AGXT2: variants seen among roughly 807,000 people sequenced by gnomAD.
AGXT2 encodes alanine--glyoxylate aminotransferase 2, mitochondrial.
A neutral mutation model predicts 62.5 loss-of-function variants in AGXT2; 61 were observed. That is an observed-to-expected ratio of 0.98 (90% confidence interval 0.79 to 1.21). AGXT2 has a LOEUF of 1.21. AGXT2 is among the 50% of genes most tolerant of loss of function. The pLI is 0.00. For synonymous variants in AGXT2, 243 were observed against 218.7 expected (o/e 1.11, Z -0.98); for missense variants, 666 against 641.5 (o/e 1.04, Z -0.41).
chr5:35,032,522 G>A (rs545288639), intron 7 of AGXT2, among the ~76,000 whole-genome samples: 3 of 152,306 alleles, frequency 2.0e-5, no homozygotes, highest in Admixed American at 2.0e-4. Context: ...TTTCCTACAT[G>A]GCCAGACAGA....
chr5:35,032,396 T>A (rs951657965), intron 7 of AGXT2, among the ~76,000 whole-genome samples: 7 of 152,172 alleles, frequency 4.6e-5, no homozygotes, highest in Non-Finnish European at 8.8e-5. Context: ...CAGCTTGTTG[T>A]CTTTTAAAAT....
rs1479426640 is a variant in AGXT2 at position 34,998,650 on chromosome 5, C to T, written c.*69G>A. The T allele has an allele frequency of 7.6e-7, 1 of 1,317,632 alleles. No homozygotes were observed. Among genetic ancestry groups the T allele is most frequent in the South Asian group, 1.2e-5 (1 of 83,192 alleles). 81.6% of individuals were successfully genotyped at this position (1,317,632 alleles called of 1,614,324 possible). Reference sequence around the variant, plus strand: ...TCTGGATACCAGTGGTTCTGAAATTCTTCAAATTCACCCTTGAACATACGT... The same window carrying T: ...TCTGGATACCAGTGGTTCTGAAATTTTTCAAATTCACCCTTGAACATACGT... On this transcript the variant is annotated 3_prime_UTR_variant, in exon 14 of 14. Coordinates refer to ENST00000231420, the MANE Select transcript of AGXT2 (RefSeq NM_031900.4).
intron 9 of AGXT2, among the ~76,000 whole-genome samples, chr5:35,025,090 A>G (rs146594012): frequency 1.3e-5 from 2 of 152,124 alleles, no homozygotes. Context: ...AAACTTGGCT[A>G]TCAGGCCTGG....
intron 2 of AGXT2, 102 bp downstream of exon 2, chr5:35,040,473 T>C (rs1280784278): frequency 4.6e-6 from 5 of 1,091,230 alleles, no homozygotes; most frequent in Admixed American, 3.5e-5. Context: ...GGTAGTTTAG[T>C]GGCAAGCAGG....
At chr5:35,019,839 GA>G (rs1317182038) in intron 9 of AGXT2, among the ~76,000 whole-genome samples, 2 of 151,738 alleles carry the variant, frequency 1.3e-5, no homozygotes, top group African/African-American at 4.8e-5. Flanking sequence ...GACTAATAAA[GA>G]AAAAAAGAGA....
At chr5:35,043,184 A>AT (rs910346076) in intron 1 of AGXT2, among the ~76,000 whole-genome samples, 18 of 152,266 alleles carry the variant, frequency 1.2e-4, no homozygotes, top group South Asian at 4.2e-4. Context: ...GAAAAATCAA[A>AT]TTTTTTTGGC....
chr5:35,005,545 G>C (rs1285258419), intron 12 of AGXT2, among the ~76,000 whole-genome samples: 2 of 152,004 alleles, frequency 1.3e-5, no homozygotes, highest in Admixed American at 6.6e-5. Flanking sequence ...GTTTTGAATG[G>C]GTGGAGTCTG....
At position 35,010,150 on chromosome 5, in the gene AGXT2, C is replaced by T. The variant is rs757561316; in HGVS notation, c.1189-1G>A. On this transcript the variant is annotated splice_acceptor_variant, in intron 11 of 13. Coordinates refer to ENST00000231420, the MANE Select transcript of AGXT2 (RefSeq NM_031900.4). LOFTEE classifies it high-confidence loss of function. ...CCTGTAGATTTTCTTCTTTAATCAC[C>T]TGTTAAGAGAAAGCCCCAAATGATC... 3 of 1,614,056 alleles carry T rather than the reference C, an allele frequency of 1.9e-6. No homozygotes were observed. The highest frequency in any genetic ancestry group is 2.7e-5 in the African/African-American group (2 of 74,938).
rs1425966936 is a variant in AGXT2, at chr5:35,036,788, AGATGTT to A, written c.486+148_486+153del. On this transcript the variant is annotated intron_variant, in intron 4 of 13. Transcript: ENST00000231420. ...GATGTAGCTATCAGATCACCACTAC[AGATGTT>A]CAGTGCACAGGCTAAATTCCCTGCC... 2.6e-5 allele frequency among the ~76,000 whole-genome samples: 4 copies of A among 152,352 alleles called. No individual in the cohort carries two copies. In the East Asian group the frequency reaches 5.8e-4, roughly 22 times the overall value.
intron 1 of AGXT2, among the ~76,000 whole-genome samples, chr5:35,046,775 ATGG>A (rs1768225570): frequency 6.6e-6 from 1 of 152,188 alleles, no homozygotes; most frequent in Non-Finnish European, 1.5e-5. Context: ...GGAATGTAAA[ATGG>A]TCCCCTGTAC....
At chr5:35,010,170 A>G in intron 11 of AGXT2, 21 bp from the exon 12 acceptor site, 1 of 1,614,092 alleles carries the variant, frequency 6.2e-7, no homozygotes, top group South Asian at 1.1e-5. Context: ...AAAGCCCCAA[A>G]TGATCTTACA....
At chr5:35,037,420 T>G (rs1314144884) in intron 3 of AGXT2, among the ~76,000 whole-genome samples, 1 of 152,226 alleles carries the variant, frequency 6.6e-6, no homozygotes, top group Non-Finnish European at 1.5e-5. Context: ...GATGACTAGT[T>G]GTAAGCCTGA....
intron 1 of AGXT2, among the ~76,000 whole-genome samples, chr5:35,044,658 C>G (rs1292995365): frequency 6.6e-6 from 1 of 152,218 alleles, no homozygotes; most frequent in Admixed American, 6.5e-5. Context: ...CTCCTTCCCT[C>G]CATTCCTTCA....
At chr5:35,012,886 A>T in intron 11 of AGXT2, 68 bp downstream of exon 11, 1 of 1,229,828 alleles carries the variant, frequency 8.1e-7, no homozygotes, top group Non-Finnish European at 1.2e-6. Context: ...GAGTTCTGCT[A>T]ATGCATGTGT....
intron 1 of AGXT2, among the ~76,000 whole-genome samples, chr5:35,045,941 G>A (rs544673028): frequency 6.6e-6 from 1 of 151,772 alleles, no homozygotes; most frequent in Non-Finnish European, 1.5e-5. Context: ...CTAATTTTTT[G>A]TACTTTTAGT....
chr5:35,008,520 C>T (rs895056543), intron 12 of AGXT2, among the ~76,000 whole-genome samples: 5 of 152,314 alleles, frequency 3.3e-5, no homozygotes, highest in South Asian at 2.1e-4. Context: ...AACTCTTGTA[C>T]TTGTCCACAC....
At chr5:35,028,608 AG>A (rs750241964) in intron 7 of AGXT2, among the ~76,000 whole-genome samples, 6,127 of 68,108 alleles carry the variant, frequency 0.09, 815 homozygotes, top group Admixed American at 0.1. Flanking sequence ...AGAGAGAGAG[AG>A]AGAGAGAGAG....
chr5:35,015,540 G>T (rs191590985), intron 9 of AGXT2, among the ~76,000 whole-genome samples: 28 of 152,214 alleles, frequency 1.8e-4, no homozygotes, highest in African/African-American at 6.7e-4. Flanking sequence ...AGCCGATTCT[G>T]AAATGCACTT....
rs1352541994 is a variant in AGXT2 at position 34,998,547 on chromosome 5, AG to A, written c.*171del. 52 of 635,638 alleles carry A rather than the reference AG, an allele frequency of 8.2e-5. No individual in the cohort carries two copies. The highest frequency in any genetic ancestry group is 5.7e-4 in the Middle Eastern group (2 of 3,486). 39.4% of individuals were successfully genotyped at this position (635,638 alleles called of 1,614,324 possible). A position where few individuals can be genotyped will look rare whatever the true frequency, so the allele number is the denominator to read the frequency against. On this transcript the variant is annotated 3_prime_UTR_variant, in exon 14 of 14. Transcript: ENST00000231420. ...TGAAGAATGGAGTTCTCAAGATAAG[AG>A]GGGCTCTGCTAACAAATATGGTTGG...
Sources: gnomAD v4.1 joint callset for allele counts (sites outside exome capture counted in the v4.1 genomes callset) on GRCh38, gnomAD v4.1.1 for gene constraint, MANE v1.5 for transcripts, NCBI Gene and HGNC (gene_info 2026-07-23, HGNC 2026-07-21) for gene names.